Variants in FRMD4B observed in about 807,000 individuals in gnomAD.
FRMD4B encodes the protein FERM domain containing 4B.
FRMD4B carries 74 observed loss-of-function variants against 141.5 expected under a neutral mutation model. The ratio of observed to expected loss-of-function variants is 0.52; its 90% CI spans 0.43 to 0.63. FRMD4B has a LOEUF of 0.63. Among genes scored for constraint, FRMD4B ranks in the 30% least tolerant of loss-of-function variants. FRMD4B has a pLI of 0.00. For synonymous variants in FRMD4B, 506 were observed against 467.9 expected, an observed-to-expected ratio of 1.08 and a Z score of -1.05; for missense variants, 1,366 against 1,253.4, an observed-to-expected ratio of 1.09 and a Z score of -1.36.
At position 69,200,899 on chromosome 3, in the gene FRMD4B, A is replaced by G. The variant is rs372139382; in HGVS notation, c.877-2125T>C. 539 of 455,436 alleles carry G rather than the reference A, an allele frequency of 1.2e-3. 4 individuals are homozygous for G. The highest frequency in any genetic ancestry group is 9.4e-3 in the African/African-American group (473 of 50,154). The allele number at this position is 455,436 out of a possible 1,614,324, so 28.2% of individuals were successfully genotyped here. A position where few individuals can be genotyped will look rare whatever the true frequency, so the allele number is the denominator to read the frequency against. ...GTCCATTCCCACACACATAAAAACC[A>G]GGGCTGGACTTGAAACATGATCTCT... On this transcript the variant is annotated intron_variant, in intron 11 of 22. Coordinates refer to ENST00000398540, the MANE Select transcript of FRMD4B (RefSeq NM_015123.3).
intron 1 of FRMD4B, among the ~76,000 whole-genome samples, chr3:69,517,384 G>A (rs964883295): frequency 3.3e-5 from 5 of 151,908 alleles, no homozygotes; most frequent in African/African-American, 1.2e-4. Context: ...GTGAAAAAAA[G>A]AGCACCAGTC....
At chr3:69,215,632 C>CA (rs1380335448) in intron 11 of FRMD4B, among the ~76,000 whole-genome samples, 1 of 151,860 alleles carries the variant, frequency 6.6e-6, no homozygotes, top group Non-Finnish European at 1.5e-5. Context: ...TTTTTCTCTA[C>CA]AAAAAGCAGA....
At position 69,193,686 on chromosome 3, in the gene FRMD4B, C is replaced by A; in HGVS notation, c.1676G>T (p.Cys559Phe). Reference protein sequence around the residue: ...ENAINEYRIRCGKKPSQKATV... With the variant: ...ENAINEYRIRFGKKPSQKATV... ...TGCTTTCTGGCTGGGTTTCTTTCCA[C>A]ACCTAATTCGGTATTCGTTTATTGC... Residue 559 changes from cysteine (C) to phenylalanine (F), a missense_variant, in exon 17 of 23, where the codon TGT (cysteine) becomes TTT (phenylalanine). By Grantham distance (205) the Cys-to-Phe change is radical. Coordinates refer to ENST00000398540, the MANE Select transcript of FRMD4B (RefSeq NM_015123.3). The A allele has an allele frequency of 6.2e-7, 1 of 1,613,314 alleles. No homozygotes were observed. The highest frequency in any genetic ancestry group is 8.5e-7 in the Non-Finnish European group (1 of 1,179,460).
intron 9 of FRMD4B, 117 bp downstream of exon 9, chr3:69,221,741 T>C (rs975546125): frequency 1.5e-6 from 1 of 677,576 alleles, no homozygotes; most frequent in Middle Eastern, 3.6e-4. Context: ...CACAGTAAGA[T>C]ATTTCTAACC....
At chr3:69,237,663 T>C (rs1240007425) in intron 7 of FRMD4B, among the ~76,000 whole-genome samples, 4 of 152,192 alleles carry the variant, frequency 2.6e-5, no homozygotes, top group African/African-American at 7.2e-5. Context: ...CCATCTCTGG[T>C]CCCCAGCTTC....
intron 1 of FRMD4B, among the ~76,000 whole-genome samples, chr3:69,326,882 C>G (rs1208322050): frequency 1.3e-5 from 2 of 152,132 alleles, no homozygotes; most frequent in African/African-American, 4.8e-5. Flanking sequence ...CTGTTCCTCT[C>G]CAGAAAGAAA....
In FRMD4B at chr3:69,409,579, T is replaced by C. The variant is rs143208681; in HGVS notation, c.-1+23055A>G. 3.9e-5 allele frequency among the ~76,000 whole-genome samples: 6 copies of C among 152,246 alleles called. No homozygotes were observed. The East Asian group carries it at 9.7e-4, about 25-fold the overall frequency. On this transcript the variant is annotated intron_variant, in intron 2 of 5. Transcript: ENST00000459638. Reference sequence around the variant, plus strand: ...GAGAAAAATCTCGATTTTTATACATTATCCACCCCTCCCTCACACAACCCA... The same window carrying C: ...GAGAAAAATCTCGATTTTTATACATCATCCACCCCTCCCTCACACAACCCA...
intron 5 of FRMD4B, among the ~76,000 whole-genome samples, chr3:69,263,667 C>T (rs975670995): frequency 1.3e-5 from 2 of 151,784 alleles, no homozygotes; most frequent in Non-Finnish European, 2.9e-5. Flanking sequence ...CCACCTTGGC[C>T]TCCCAAAGTG....
At chr3:69,233,752 G>A (rs2093326976) in intron 7 of FRMD4B, among the ~76,000 whole-genome samples, 1 of 152,130 alleles carries the variant, frequency 6.6e-6, no homozygotes, top group African/African-American at 2.4e-5. Context: ...ATTTAGTACT[G>A]TGTCCCAGGC....
At chr3:69,398,650 G>A (rs1163531080) in intron 2 of FRMD4B, among the ~76,000 whole-genome samples, 1 of 152,194 alleles carries the variant, frequency 6.6e-6, no homozygotes, top group Non-Finnish European at 1.5e-5. Context: ...ATGTAAGATT[G>A]TTCAAGATGC....
intron 1 of FRMD4B, among the ~76,000 whole-genome samples, chr3:69,352,817 T>G (rs965314050): frequency 6.6e-6 from 1 of 152,186 alleles, no homozygotes; most frequent in Non-Finnish European, 1.5e-5. Flanking sequence ...CAAACTAGAC[T>G]GGAGGACAAA....
At chr3:69,206,775 T>C (rs1005261617) in intron 11 of FRMD4B, among the ~76,000 whole-genome samples, 3 of 152,184 alleles carry the variant, frequency 2.0e-5, no homozygotes, top group African/African-American at 7.2e-5. Flanking sequence ...ATGGCAGGGA[T>C]TGTGGCTTTT....
intron 2 of FRMD4B, among the ~76,000 whole-genome samples, chr3:69,425,695 T>C (rs934176363): frequency 6.6e-6 from 1 of 152,234 alleles, no homozygotes; most frequent in African/African-American, 2.4e-5. Flanking sequence ...TGTGATGTTT[T>C]GCACTTGGTA....
chr3:69,311,247 C>A lies in FRMD4B; in HGVS notation c.323+16G>T. 1 of 1,246,936 alleles carries A rather than the reference C, an allele frequency of 8.0e-7. No homozygotes were observed. Among genetic ancestry groups the A allele is most frequent in the Non-Finnish European group, 1.2e-6 (1 of 854,014 alleles). 77.2% of individuals were successfully genotyped at this position (1,246,936 alleles called of 1,614,324 possible). The stretch of plus-strand genomic sequence containing the variant: ...CAGGCAAAAGGTAAAGAAACTAAAA[C>A]TATTAAAGGACTTACGTGTCATCTA... On this transcript the variant is annotated intron_variant, in intron 3 of 22. Coordinates refer to ENST00000398540, the MANE Select transcript of FRMD4B (RefSeq NM_015123.3).
intron 7 of FRMD4B, among the ~76,000 whole-genome samples, chr3:69,237,565 T>C (rs993342297): frequency 4.6e-5 from 7 of 152,150 alleles, no homozygotes; most frequent in African/African-American, 1.7e-4. Flanking sequence ...AAGGCCTTCA[T>C]GGGGGTTTAG....
chr3:69,372,518 A>T (rs2107493531), intron 1 of FRMD4B, among the ~76,000 whole-genome samples: 1 of 152,230 alleles, frequency 6.6e-6, no homozygotes, highest in Non-Finnish European at 1.5e-5. Flanking sequence ...TACAAAAATT[A>T]GCTGGGCGTG....
chr3:69,180,154 G>T (rs1176470068), intron 21 of FRMD4B, among the ~76,000 whole-genome samples: 1 of 151,258 alleles, frequency 6.6e-6, no homozygotes, highest in East Asian at 1.9e-4. Context: ...CCAACACTTT[G>T]GGAGGCCAAG....
At chr3:69,411,236 C>T (rs1010000553) in intron 2 of FRMD4B, among the ~76,000 whole-genome samples, 31 of 152,290 alleles carry the variant, frequency 2.0e-4, no homozygotes, top group African/African-American at 6.3e-4. Context: ...AACTGTAAGT[C>T]ACCAATTTGC....
chr3:69,275,651 G>A (rs1031525139), intron 5 of FRMD4B, among the ~76,000 whole-genome samples: 4 of 151,662 alleles, frequency 2.6e-5, no homozygotes, highest in East Asian at 1.9e-4. Flanking sequence ...GGGTGGTCTC[G>A]AACTCCTAGG....
Sources: allele counts gnomAD v4.1 joint callset (sites outside exome capture counted in the v4.1 genomes callset), GRCh38; gene constraint gnomAD v4.1.1; transcripts MANE v1.5; gene names NCBI Gene and HGNC (gene_info 2026-07-23, HGNC 2026-07-21).